USP3: variants seen among roughly 807,000 people sequenced by gnomAD.
USP3 encodes ubiquitin carboxyl-terminal hydrolase 3.
Under a neutral mutation model 72.3 loss-of-function variants are expected in USP3, and 20 were observed. The observed-to-expected ratio is 0.28, with a 90% CI of 0.19 to 0.40. USP3 has a LOEUF of 0.40. Ranked by LOEUF, USP3 falls within the 10% of genes least tolerant of loss-of-function variation. USP3 has a pLI of 1.00. For missense variants in USP3, 479 were observed against 633.9 expected (o/e 0.76, Z 2.62); for synonymous variants, 222 against 225.3 (o/e 0.99, Z 0.13).
At chr15:63,568,451 G>A (rs938586590) in intron 8 of USP3, among the ~76,000 whole-genome samples, 1 of 151,710 alleles carries the variant, frequency 6.6e-6, no homozygotes, top group African/African-American at 2.4e-5. Flanking sequence ...CTTCATAAAT[G>A]CATTTCCTCA....
intron 5 of USP3, 28 bp downstream of exon 5, chr15:63,556,776 A>G: frequency 3.5e-6 from 5 of 1,437,378 alleles, no homozygotes; most frequent in Non-Finnish European, 4.8e-6. Context: ...ATTCAAATAT[A>G]AGAGTTAGTT....
At chr15:63,584,648 G>A (rs553223504) in intron 11 of USP3, among the ~76,000 whole-genome samples, 1 of 152,036 alleles carries the variant, frequency 6.6e-6, no homozygotes, top group Non-Finnish European at 1.5e-5. Flanking sequence ...AGTTTTAGGA[G>A]TTCTTCATAT....
chr15:63,556,552 A>AGG, intron 4 of USP3, 115 bp from the exon 5 acceptor site: 1 of 666,844 alleles, frequency 1.5e-6, no homozygotes, highest in East Asian at 3.0e-5. Flanking sequence ...CTGACGAAGC[A>AGG]GTCAGGGAGG....
intron 3 of USP3, among the ~76,000 whole-genome samples, chr15:63,543,226 T>G (rs2066271244): frequency 2.0e-5 from 3 of 152,182 alleles, no homozygotes; most frequent in African/African-American, 7.2e-5. Flanking sequence ...TCCCTCAGTT[T>G]TTGTCTTCAA....
chr15:63,547,050 C>G (rs1347067678), intron 3 of USP3, among the ~76,000 whole-genome samples: 1 of 152,140 alleles, frequency 6.6e-6, no homozygotes, highest in Non-Finnish European at 1.5e-5. Flanking sequence ...CTTTTGACCT[C>G]TGACCACAGA....
intron 11 of USP3, among the ~76,000 whole-genome samples, chr15:63,584,259 G>A (rs917197692): frequency 3.3e-5 from 5 of 151,732 alleles, no homozygotes; most frequent in African/African-American, 9.7e-5. Context: ...CACCATGCCC[G>A]GCTAATTTTT....
chr15:63,557,995 A>G (rs1232697789), intron 5 of USP3, 111 bp from the exon 6 acceptor site: 5 of 1,024,372 alleles, frequency 4.9e-6, no homozygotes, highest in African/African-American at 3.2e-5. Context: ...AAAAGGACCA[A>G]TTCCAAATTG....
At chr15:63,505,707 C>T (rs934635293) in intron 1 of USP3, among the ~76,000 whole-genome samples, 2 of 152,202 alleles carry the variant, frequency 1.3e-5, no homozygotes, top group Non-Finnish European at 2.9e-5. Flanking sequence ...CTTAGGATCG[C>T]ACCGGCCACA....
intron 3 of USP3, among the ~76,000 whole-genome samples, chr15:63,545,995 A>AAC (rs397957656): frequency 2.7e-5 from 4 of 149,970 alleles, no homozygotes; most frequent in African/African-American, 9.9e-5. Flanking sequence ...AAAAAAAAAA[A>AAC]CAGTAGAGCT....
chr15:63,530,739 T>C (rs948147942), intron 1 of USP3: 1 of 313,234 alleles, frequency 3.2e-6, no homozygotes, highest in Non-Finnish European at 6.2e-6. Flanking sequence ...TGTACTAGTT[T>C]ACTTTTTATT....
At position 63,534,920 on chromosome 15, in the gene USP3, A is replaced by G. The variant is rs570790165; in HGVS notation, c.153-2105A>G. On this transcript the variant is annotated intron_variant, in intron 2 of 14. Transcript: ENST00000380324. ...CTTAGAGTTTGCCTTTTATTTGTTT[A>G]TTTATTTATTTATTTATTTATTTAC... 5.3e-5 allele frequency among the ~76,000 whole-genome samples: 8 copies of G among 150,680 alleles called. No homozygotes were observed. In the East Asian group the frequency reaches 9.7e-4, roughly 18 times the overall value.
intron 1 of USP3, among the ~76,000 whole-genome samples, chr15:63,526,886 C>T (rs1295631763): frequency 2.0e-5 from 3 of 152,094 alleles, no homozygotes; most frequent in African/African-American, 7.2e-5. Flanking sequence ...TTTGCCAGTC[C>T]TTATGTTCTT....
In USP3 at chr15:63,593,731, TG is replaced by T. The variant is rs2067245568; in HGVS notation, c.*2906del. ...GCTTATTTGTGTTTTCATTTTTAAC[TG>T]TGCAGCCTTACCACACCTATTTTGA... is the stretch of plus-strand genomic sequence containing the variant. On this transcript the variant is annotated 3_prime_UTR_variant, in exon 15 of 15. Transcript: ENST00000380324. 1 of 152,268 alleles carries T rather than the reference TG, an allele frequency of 6.6e-6. No individual in the cohort carries two copies. Among genetic ancestry groups the T allele is most frequent in the African/African-American group, 2.4e-5 (1 of 41,458 alleles). 9.4% of individuals were successfully genotyped at this position (152,268 alleles called of 1,614,324 possible).
At chr15:63,520,161 G>A (rs2065900935) in intron 1 of USP3, among the ~76,000 whole-genome samples, 1 of 152,070 alleles carries the variant, frequency 6.6e-6, no homozygotes, top group South Asian at 2.1e-4. Context: ...ATCTACATCT[G>A]TTTATGTCTG....
At chr15:63,532,967 T>A (rs1246372839) in intron 2 of USP3, among the ~76,000 whole-genome samples, 1 of 152,160 alleles carries the variant, frequency 6.6e-6, no homozygotes, top group Non-Finnish European at 1.5e-5. Flanking sequence ...AATATTTGAG[T>A]GGAAAGATGA....
intron 9 of USP3, among the ~76,000 whole-genome samples, chr15:63,571,339 T>C (rs994176904): frequency 2.0e-5 from 3 of 152,192 alleles, no homozygotes; most frequent in Non-Finnish European, 4.4e-5. Flanking sequence ...TTGTATTGCC[T>C]GGCAGTCCAT....
chr15:63,536,174 AT>A (rs777549924), intron 2 of USP3, among the ~76,000 whole-genome samples: 16 of 152,234 alleles, frequency 1.1e-4, no homozygotes, highest in Non-Finnish European at 2.2e-4. Flanking sequence ...ATGTAGAGAA[AT>A]AGCAGTTTTT....
At chr15:63,505,916 C>T (rs755892851) in intron 1 of USP3, among the ~76,000 whole-genome samples, 1 of 152,118 alleles carries the variant, frequency 6.6e-6, no homozygotes, top group Non-Finnish European at 1.5e-5. Context: ...CATTGTGGGC[C>T]GGAGCTGGGA....
At chr15:63,526,751 G>C (rs1396647681) in intron 1 of USP3, among the ~76,000 whole-genome samples, 1 of 152,168 alleles carries the variant, frequency 6.6e-6, no homozygotes, top group Non-Finnish European at 1.5e-5. Flanking sequence ...AAAACCATTG[G>C]TTTAGAAAAT....
Sources: allele counts gnomAD v4.1 joint callset (sites outside exome capture counted in the v4.1 genomes callset), GRCh38; gene constraint gnomAD v4.1.1; transcripts MANE v1.5; gene names NCBI Gene and HGNC (gene_info 2026-07-23, HGNC 2026-07-21).